The following JMY variants were observed in gnomAD, a reference collection of about 807,000 sequenced individuals.
JMY encodes the protein junction-mediating and -regulatory protein.
In JMY, 46 loss-of-function variants were observed where a neutral mutation model predicts 103.3. The ratio of observed to expected loss-of-function variants is 0.45; its 90% confidence interval spans 0.35 to 0.57. The LOEUF is 0.57. JMY is among the 20% of genes least tolerant of loss of function. JMY has a pLI of 0.00. For missense variants in JMY, 1,238 were observed against 1,255.2 expected, an observed-to-expected ratio of 0.99 and a Z score of 0.21; for synonymous variants, 526 against 489.3, an observed-to-expected ratio of 1.07 and a Z score of -0.99.
At chr5:79,305,228 G>C (rs1176560997) in intron 6 of JMY, among the ~76,000 whole-genome samples, 2 of 152,210 alleles carry the variant, frequency 1.3e-5, no homozygotes, top group Non-Finnish European at 2.9e-5. Context: ...AAGGTGGGCA[G>C]ATCACTTGAG....
intron 6 of JMY, among the ~76,000 whole-genome samples, chr5:79,306,079 T>A (rs1746872324): frequency 1.3e-5 from 2 of 152,160 alleles, no homozygotes; most frequent in African/African-American, 4.8e-5. Context: ...AGACTTCAGA[T>A]CTGAAAGAGA....
At chr5:79,256,623 C>T (rs371858323) in intron 1 of JMY, among the ~76,000 whole-genome samples, 4 of 152,102 alleles carry the variant, frequency 2.6e-5, no homozygotes, top group East Asian at 3.8e-4. Context: ...AGGCTGGTCT[C>T]GAACTGTTGG....
chr5:79,253,379 G>T (rs375352930), intron 1 of JMY, among the ~76,000 whole-genome samples: 2 of 151,682 alleles, frequency 1.3e-5, no homozygotes, highest in Non-Finnish European at 2.9e-5. Flanking sequence ...TACAACCTCC[G>T]CCTCCTGGGT....
chr5:79,295,210 G>A (rs1385641208), intron 4 of JMY, among the ~76,000 whole-genome samples: 1 of 152,176 alleles, frequency 6.6e-6, no homozygotes, highest in Admixed American at 6.5e-5. Context: ...CTCTCCAGTA[G>A]GGTAGTTTTC....
At chr5:79,264,374 A>C (rs944225716) in intron 1 of JMY, among the ~76,000 whole-genome samples, 10 of 151,326 alleles carry the variant, frequency 6.6e-5, no homozygotes, top group Non-Finnish European at 1.3e-4. Context: ...GGTGTGAGCC[A>C]CTTCACCTGG....
At chr5:79,309,715 A>G (rs920435992) in intron 7 of JMY, among the ~76,000 whole-genome samples, 1 of 142,374 alleles carries the variant, frequency 7.0e-6, no homozygotes, top group Non-Finnish European at 1.5e-5. Flanking sequence ...CCCATAAACT[A>G]TAAGATTACC....
rs140262689 is a variant in JMY at position 79,310,796 on chromosome 5, CATTAAAGAATG to C, written c.1969-1605_1969-1595del. Among the ~76,000 whole-genome samples the C allele has an allele frequency of 7.2e-3, 1,092 of 152,192 alleles. 8 individuals are homozygous for C. The highest frequency in any genetic ancestry group is 0.024 in the African/African-American group (1,014 of 41,518). On this transcript the variant is annotated intron_variant, in intron 7 of 10. Transcript: ENST00000396137. ...TTGGATAAGAGAATTCTGTTTTCCCCATTAAAGAATGAACTCTTATTTTTTGTAAGTACACT... is the reference window on the plus strand; with the variant it reads ...TTGGATAAGAGAATTCTGTTTTCCCCAACTCTTATTTTTTGTAAGTACACT...
chr5:79,284,602 A>T, intron 2 of JMY: 2 of 1,542,642 alleles, frequency 1.3e-6, no homozygotes, highest in Non-Finnish European at 1.8e-6. Context: ...ACATTTTGTC[A>T]CAGGTAAGAT....
chr5:79,270,106 G>GTTT (rs1745700803), intron 1 of JMY, among the ~76,000 whole-genome samples: 1 of 151,832 alleles, frequency 6.6e-6, no homozygotes, highest in Admixed American at 6.6e-5. Flanking sequence ...AGCAGAGACA[G>GTTT]TTTTACTGCT....
chr5:79,254,865 A>G (rs1745190603), intron 1 of JMY, among the ~76,000 whole-genome samples: 1 of 151,468 alleles, frequency 6.6e-6, no homozygotes, highest in Non-Finnish European at 1.5e-5. Flanking sequence ...GTATTTTCAA[A>G]TAGTCTGTCT....
Position 79,246,839 on chromosome 5 carries a change from G to A in JMY, c.1032+9157G>A, listed in dbSNP as rs140077855. On this transcript the variant is annotated intron_variant, in intron 1 of 10. Transcript: ENST00000396137. ...AGAGGTTGCAGTGAGCCAAGATTGC[G>A]GCACTGCACTCTAGCCTGGGCGACA... Among the ~76,000 whole-genome samples, 22 of 151,976 alleles carry A rather than the reference G, an allele frequency of 1.4e-4. No individual in the cohort carries two copies. The East Asian group carries it at 3.7e-3, about 25-fold the overall frequency.
At chr5:79,293,807 T>G (rs1476215139) in intron 4 of JMY, among the ~76,000 whole-genome samples, 5 of 152,338 alleles carry the variant, frequency 3.3e-5, no homozygotes, top group Middle Eastern at 3.4e-3. Flanking sequence ...TTTGTGAGTT[T>G]AACTAGTTGT....
Position 79,236,629 on chromosome 5 carries a change from G to C in JMY, c.-22G>C, listed in dbSNP as rs1207055656. 1 of 1,366,250 alleles carries C rather than the reference G, an allele frequency of 7.3e-7. No homozygotes were observed. Among genetic ancestry groups the C allele is most frequent in the Non-Finnish European group, 9.6e-7 (1 of 1,044,618 alleles). 84.6% of individuals were successfully genotyped at this position (1,366,250 alleles called of 1,614,324 possible). On this transcript the variant is annotated 5_prime_UTR_variant, in exon 1 of 11. Coordinates refer to ENST00000396137, the MANE Select transcript of JMY (RefSeq NM_152405.5). Reference sequence around the variant, plus strand: ...CGGGCCGGGCCGGCGGCCCTTCCCCGCGGCGAGAAGCCGGAGCCACCATGT... The same window carrying C: ...CGGGCCGGGCCGGCGGCCCTTCCCCCCGGCGAGAAGCCGGAGCCACCATGT...
Position 79,270,387 on chromosome 5 carries a change from ATAAAATATATATTTACATAAATATT to A in JMY, c.1033-7466_1033-7442del, listed in dbSNP as rs1561297591. Among the ~76,000 whole-genome samples, 14 of 115,086 alleles carry A rather than the reference ATAAAATATATATTTACATAAATATT, an allele frequency of 1.2e-4. 2 individuals are homozygous for A. The highest frequency in any genetic ancestry group is 4.3e-4 in the African/African-American group (12 of 27,760). The allele number at this position is 115,086 out of a possible 152,430, so 75.5% of individuals were successfully genotyped here. ...AATGTATATTTACATAAATATTTAC[ATAAAATATATATTTACATAAATATT>A]TAAAATATATATTTACATAAATATT... On this transcript the variant is annotated intron_variant, in intron 1 of 10. Coordinates refer to ENST00000396137, the MANE Select transcript of JMY (RefSeq NM_152405.5).
chr5:79,281,137 C>T (rs796669455), intron 2 of JMY, among the ~76,000 whole-genome samples: 35 of 151,778 alleles, frequency 2.3e-4, no homozygotes, highest in African/African-American at 6.7e-4. Flanking sequence ...CTCCGCCTCC[C>T]GGGTTCGTGC....
chr5:79,250,202 T>A (rs933258443), intron 1 of JMY, among the ~76,000 whole-genome samples: 5 of 152,188 alleles, frequency 3.3e-5, no homozygotes, highest in African/African-American at 7.2e-5. Context: ...AGGTAAAATA[T>A]TTCCAAGCCA....
At position 79,236,510 on chromosome 5, in the gene JMY, C is replaced by G. The variant is rs998964785; in HGVS notation, c.-141C>G. On this transcript the variant is annotated 5_prime_UTR_variant, in exon 1 of 11. Coordinates refer to ENST00000396137, the MANE Select transcript of JMY (RefSeq NM_152405.5). ...GTCGGGGCGCGGAGGGACAGGCGAA[C>G]GAGCCGGGAGAGCCGGCCGGCGCAC... is the stretch of plus-strand genomic sequence containing the variant. 3.5e-6 allele frequency: 2 copies of G among 567,010 alleles called. No homozygotes were observed. Among genetic ancestry groups the G allele is most frequent in the Non-Finnish European group, 5.4e-6 (2 of 368,944 alleles). The allele number at this position is 567,010 out of a possible 1,614,324, so 35.1% of individuals were successfully genotyped here.
chr5:79,299,731 A>G lies in JMY; in HGVS notation c.1528-422A>G, dbSNP rs186674261. ...TGACCATGGAGCAAAGCAAAACCCC[A>G]GATATGTGGCATTAACCAGCTTTTA... is the stretch of plus-strand genomic sequence containing the variant. On this transcript the variant is annotated intron_variant, in intron 4 of 10. Coordinates refer to ENST00000396137, the MANE Select transcript of JMY (RefSeq NM_152405.5). Among the ~76,000 whole-genome samples, 313 of 152,328 alleles carry G rather than the reference A, an allele frequency of 2.1e-3. 2 individuals are homozygous for G. The highest frequency in any genetic ancestry group is 3.5e-3 in the South Asian group (17 of 4,828).
chr5:79,237,057 C>T lies in JMY; in HGVS notation c.407C>T (p.Ala136Val), dbSNP rs1452637409. The T allele has an allele frequency of 6.5e-6, 10 of 1,529,636 alleles. No homozygotes were observed. Among genetic ancestry groups the T allele is most frequent in the African/African-American group, 4.1e-5 (3 of 72,516 alleles). The allele number at this position is 1,529,636 out of a possible 1,614,324, so 94.8% of individuals were successfully genotyped here. Reference protein sequence around the residue: ...PRLRSPGSKGAESRLRSPVRA... With the variant: ...PRLRSPGSKGVESRLRSPVRA... ...CTGCGGAGTCCTGGCAGCAAAGGGG[C>T]GGAGAGTCGTCTTAGGAGCCCAGTG... Residue 136 changes from alanine to valine, a missense_variant, in exon 1 of 11, where the codon GCG (alanine) becomes GTG (valine). Ala to Val is a moderately conservative substitution (Grantham distance 64). Transcript: ENST00000396137.
Sources: allele counts gnomAD v4.1 joint callset (sites outside exome capture counted in the v4.1 genomes callset), GRCh38; gene constraint gnomAD v4.1.1; transcripts MANE v1.5; gene names NCBI Gene and HGNC (gene_info 2026-07-23, HGNC 2026-07-21).